Variants in FADS1 observed in about 807,000 individuals in gnomAD.
FADS1 encodes the protein acyl-CoA (8-3)-desaturase.
FADS1 carries 17 observed loss-of-function variants against 61.6 expected under a neutral mutation model. The observed-to-expected ratio is 0.28, with a 90% confidence interval of 0.19 to 0.41. FADS1 has a LOEUF of 0.41. Among genes scored for constraint, FADS1 ranks in the 10% least tolerant of loss-of-function variants. FADS1 has a pLI of 1.00. For missense variants in FADS1, 387 were observed against 650.9 expected (o/e 0.59, Z 4.41); for synonymous variants, 238 against 258.7 (o/e 0.92, Z 0.77).
chr11:61,804,094 C>A, intron 7 of FADS1: 1 of 369,618 alleles, frequency 2.7e-6, no homozygotes, highest in Non-Finnish European at 5.0e-6. Context: ...CATGCCAGTG[C>A]CCTGATCAAA....
At chr11:61,810,581 G>T in intron 5 of FADS1, 170 bp downstream of exon 5, 1 of 732,972 alleles carries the variant, frequency 1.4e-6, no homozygotes, top group Non-Finnish European at 2.3e-6. Flanking sequence ...CTCCTGGGCA[G>T]CCCCCATCTA....
At chr11:61,813,456 C>A in intron 1 of FADS1, 103 bp from the exon 2 acceptor site, 2 of 707,766 alleles carry the variant, frequency 2.8e-6, no homozygotes, top group South Asian at 1.7e-5. Flanking sequence ...AGGCTGTACC[C>A]AAGTTGAAGT....
Position 61,802,531 on chromosome 11 carries a change from G to T in FADS1, c.1455-69C>A. 2.1e-6 allele frequency: 3 copies of T among 1,413,368 alleles called. No individual in the cohort carries two copies. Among genetic ancestry groups the T allele is most frequent in the Non-Finnish European group, 2.9e-6 (3 of 1,022,048 alleles). The allele number at this position is 1,413,368 out of a possible 1,614,324, so 87.6% of individuals were successfully genotyped here. A position where few individuals can be genotyped will look rare whatever the true frequency, so the allele number is the denominator to read the frequency against. On this transcript the variant is annotated intron_variant, in intron 11 of 11. Transcript: ENST00000350997. This position sits in a 1 kb window ranked among gnomAD's most constrained non-coding sequence, Gnocchi z 4.2. ...AGTTGAACCCACCGGAGATGGAGCA[G>T]TGAGGTTAAGGCCTTCTTCCATCTG...
At chr11:61,813,978 A>G (rs7394579) in intron 1 of FADS1, among the ~76,000 whole-genome samples, 33,770 of 147,598 alleles carry the variant, frequency 0.23, 5,615 homozygotes, top group East Asian at 0.53. Flanking sequence ...AAAAAAAAAA[A>G]AAAAAAAAAG....
Position 61,803,945 on chromosome 11 carries a change from T to C in FADS1, c.1054-178A>G, listed in dbSNP as rs1347148787. 3.3e-6 allele frequency: 2 copies of C among 611,474 alleles called. No individual in the cohort carries two copies. The highest frequency in any genetic ancestry group is 5.5e-5 in the East Asian group (2 of 36,232). 37.9% of individuals were successfully genotyped at this position (611,474 alleles called of 1,614,324 possible). The stretch of plus-strand genomic sequence containing the variant: ...CCACTGCTCCTTTCTTCCATTCCCA[T>C]TGGCACCCCCCAGCCCTTCTTGCAT... On this transcript the variant is annotated intron_variant, in intron 7 of 11. Coordinates refer to ENST00000350997, the MANE Select transcript of FADS1 (RefSeq NM_013402.7). The surrounding 1 kb of genome is among the most constrained non-coding windows in gnomAD (Gnocchi z 4.3).
rs2066987158 is a variant in FADS1 at position 61,816,672 on chromosome 11, T to C, written c.258A>G (p.Ser86=). ...TCACTAGCCACCGCTCCTCGCACCCTGAGCGCTGGGCCACCTCGTCCCAGG... is the reference window on the plus strand; with the variant it reads ...TCACTAGCCACCGCTCCTCGCACCCCGAGCGCTGGGCCACCTCGTCCCAGG... The part of the protein sequence containing the change: ...YFTWDEVAQR[S]GCEERWLVID... The change falls in exon 1 of 12, where the codon TCA becomes TCG. Residue 86 remains serine, a synonymous_variant. Coordinates refer to ENST00000350997, the MANE Select transcript of FADS1 (RefSeq NM_013402.7). This position sits in a 1 kb window ranked among gnomAD's most constrained non-coding sequence, Gnocchi z 7.0. 6.3e-7 allele frequency: 1 copy of C among 1,594,146 alleles called. No homozygotes were observed. Among genetic ancestry groups the C allele is most frequent in the Non-Finnish European group, 8.5e-7 (1 of 1,171,120 alleles).
rs1414694242 is a variant in FADS1, at chr11:61,804,750, C to G, written c.988G>C (p.Ala330Pro). ...HKYFFLIGPP[A>P]LLPLYFQWYI... ...CACTGGAAGTAGAGAGGCAGCAAGG[C>G]TGGGGGCCCAACTGGGGAGGAAACC... The change falls in exon 7 of 12, where the codon GCC (alanine) becomes CCC (proline). Residue 330 changes from alanine (A) to proline (P), a missense_variant. This residue lies in a region of FADS1 where 257 missense variants were observed against 533.3 expected (regional missense o/e 0.48). Transcript: ENST00000350997. The G allele has an allele frequency of 2.5e-6, 4 of 1,613,990 alleles. No individual in the cohort carries two copies. Among genetic ancestry groups the G allele is most frequent in the Non-Finnish European group, 3.4e-6 (4 of 1,179,970 alleles).
intron 5 of FADS1, among the ~76,000 whole-genome samples, chr11:61,810,453 G>T (rs1057276712): frequency 1.2e-4 from 19 of 152,128 alleles, no homozygotes; most frequent in Non-Finnish European, 2.5e-4. Flanking sequence ...CACCTTCAAG[G>T]ATAGGCTATC....
chr11:61,813,895 G>GT (rs1218457795), intron 1 of FADS1, among the ~76,000 whole-genome samples: 9 of 151,448 alleles, frequency 5.9e-5, no homozygotes, highest in East Asian at 5.8e-4. Flanking sequence ...AACCCCGGGG[G>GT]AGGGCGGAGC....
Position 61,816,935 on chromosome 11 carries a change from G to C in FADS1, c.-6C>G. On this transcript the variant is annotated 5_prime_UTR_variant, in exon 1 of 12. Coordinates refer to ENST00000350997, the MANE Select transcript of FADS1 (RefSeq NM_013402.7). The surrounding 1 kb of genome is among the most constrained non-coding windows in gnomAD (Gnocchi z 7.0). ...CTCGCAGCGCGCGTTCCCATTGGCC[G>C]AGCCTCGTGGCGCGGGGAGCGAGAT... 7.2e-7 allele frequency: 1 copy of C among 1,382,526 alleles called. No individual in the cohort carries two copies. Among genetic ancestry groups the C allele is most frequent in the Non-Finnish European group, 9.3e-7 (1 of 1,077,298 alleles). The allele number at this position is 1,382,526 out of a possible 1,614,324, so 85.6% of individuals were successfully genotyped here.
At chr11:61,809,891 T>G (rs1329372963) in intron 5 of FADS1, among the ~76,000 whole-genome samples, 1 of 152,188 alleles carries the variant, frequency 6.6e-6, no homozygotes, top group Non-Finnish European at 1.5e-5. Context: ...CCAAAGCCCT[T>G]TCAAAGTTCT....
chr11:61,802,573 CTACT>C lies in FADS1; in HGVS notation c.1455-115_1455-112del. 1.6e-6 allele frequency: 2 copies of C among 1,274,890 alleles called. No homozygotes were observed. The highest frequency in any genetic ancestry group is 2.2e-6 in the Non-Finnish European group (2 of 899,418). 79.0% of individuals were successfully genotyped at this position (1,274,890 alleles called of 1,614,324 possible). A position where few individuals can be genotyped will look rare whatever the true frequency, so the allele number is the denominator to read the frequency against. ...TTCCATCTGGAGGTTTTCCTCCCCT[CTACT>C]TTAGAGAAAGCTAGCTTGGGCCATG... On this transcript the variant is annotated intron_variant, in intron 11 of 11. Coordinates refer to ENST00000350997, the MANE Select transcript of FADS1 (RefSeq NM_013402.7). The surrounding 1 kb of genome is among the most constrained non-coding windows in gnomAD (Gnocchi z 4.2).
intron 5 of FADS1, among the ~76,000 whole-genome samples, chr11:61,809,726 AG>A (rs1252920305): frequency 6.6e-6 from 1 of 152,222 alleles, no homozygotes; most frequent in Non-Finnish European, 1.5e-5. Flanking sequence ...GACGGGGGAC[AG>A]GGCTGCTTCG....
chr11:61,805,553 C>A (rs1169546472), intron 6 of FADS1: 3 of 152,252 alleles, frequency 2.0e-5, no homozygotes, highest in Non-Finnish European at 4.4e-5. Context: ...AAAACTATTT[C>A]TTCCAGAGGT....
intron 2 of FADS1, 74 bp from the exon 3 acceptor site, chr11:61,812,742 G>A: frequency 7.2e-7 from 1 of 1,381,606 alleles, no homozygotes; most frequent in Admixed American, 2.0e-5. Context: ...GGCCCTCTCA[G>A]GCTCAAGGAC....
intron 6 of FADS1, chr11:61,805,922 C>T (rs949162871): frequency 2.0e-5 from 3 of 152,230 alleles, no homozygotes; most frequent in Non-Finnish European, 2.9e-5. Context: ...AGATCTTCTT[C>T]GTTCTAACAG....
chr11:61,812,516 G>A lies in FADS1; in HGVS notation c.639C>T (p.Ser213=), dbSNP rs1683874580. 1.2e-6 allele frequency: 2 copies of A among 1,613,974 alleles called. No individual in the cohort carries two copies. The highest frequency in any genetic ancestry group is 1.7e-5 in the Admixed American group (1 of 60,008). Residue 213 remains serine (S), a synonymous_variant, in exon 3 of 12, where the codon TCC becomes TCT. Transcript: ENST00000350997. ...AWLTLWVFGT[S]FLPFLLCAVL... ...CCGCACAGAGGAGGAAGGGCAAAAA[G>A]GACGTCCCAAAGACCCAAAGGGTGA...
At chr11:61,807,229 C>T (rs1030937542) in intron 5 of FADS1, among the ~76,000 whole-genome samples, 1 of 152,214 alleles carries the variant, frequency 6.6e-6, no homozygotes, top group African/African-American at 2.4e-5. Context: ...CCTCCACGCC[C>T]AGCTAATTTT....
intron 1 of FADS1, among the ~76,000 whole-genome samples, chr11:61,813,737 G>A (rs1396837650): frequency 1.3e-5 from 2 of 152,088 alleles, no homozygotes; most frequent in Non-Finnish European, 2.9e-5. Flanking sequence ...AGGCCAAGGC[G>A]GGTGGATCAC....
Sources: gnomAD v4.1 joint callset for allele counts (sites outside exome capture counted in the v4.1 genomes callset) on GRCh38, gnomAD v4.1.1 for gene constraint, gnomAD v4.1.1 regional missense constraint, Gnocchi (gnomAD v3.1) non-coding constraint, MANE v1.5 for transcripts, NCBI Gene and HGNC (gene_info 2026-07-23, HGNC 2026-07-21) for gene names.